The following PRR12 variants were observed in gnomAD, a reference collection of about 807,000 sequenced individuals.
The protein encoded by PRR12 is proline-rich protein 12.
PRR12 carries 12 observed loss-of-function variants against 138.0 expected under a neutral mutation model. That is an observed-to-expected ratio of 0.09 (90% CI 0.06 to 0.14). The LOEUF is 0.14. Among genes scored for constraint, PRR12 ranks in the 10% least tolerant of loss-of-function variants. The pLI, the probability that PRR12 is intolerant of heterozygous loss-of-function variation, is 1.00. For missense variants in PRR12, 2,692 were observed against 2,861.3 expected, an observed-to-expected ratio of 0.94 and a Z score of 1.35; for synonymous variants, 1,567 against 1,291.7, an observed-to-expected ratio of 1.21 and a Z score of -4.57.
chr19:49,600,480 C>CAA (rs34430567), intron 5 of PRR12, among the ~76,000 whole-genome samples: 6,738 of 100,596 alleles, frequency 0.067, 177 homozygotes, highest in South Asian at 0.15. Context: ...GGGGAGTGTT[C>CAA]AAAAAAAAAA....
intron 6 of PRR12, among the ~76,000 whole-genome samples, chr19:49,607,402 TAAA>T (rs1054890922): frequency 2.7e-5 from 4 of 150,442 alleles, no homozygotes; most frequent in Non-Finnish European, 5.9e-5. Context: ...TTGTAATTAA[TAAA>T]AACTATTAAT....
intron 6 of PRR12, among the ~76,000 whole-genome samples, chr19:49,603,613 A>C (rs1378529146): frequency 1.3e-5 from 2 of 151,852 alleles, no homozygotes; most frequent in Non-Finnish European, 2.9e-5. Flanking sequence ...GATCACTTGA[A>C]CTCTGGGGTG....
intron 6 of PRR12, among the ~76,000 whole-genome samples, chr19:49,611,893 A>T (rs2080868179): frequency 8.4e-6 from 1 of 118,450 alleles, no homozygotes; most frequent in African/African-American, 3.5e-5. Flanking sequence ...ACTGCACTCC[A>T]GCCTGGGCGA....
chr19:49,622,957 A>AG (rs1491451256), intron 11 of PRR12, among the ~76,000 whole-genome samples: 82 of 106,552 alleles, frequency 7.7e-4, no homozygotes, highest in East Asian at 3.0e-3. Context: ...AGAGAGAGAG[A>AG]AAGAGAGAGA....
intron 8 of PRR12, among the ~76,000 whole-genome samples, chr19:49,615,478 CCCAGAGAGGGAGGGGGTCAG>C (rs2080887073): frequency 6.8e-6 from 1 of 146,740 alleles, no homozygotes; most frequent in Admixed American, 6.8e-5. Flanking sequence ...GGAATAGAGA[CCCAGAGAGGGAGGGGGTCAG>C]AGACCCAGAG....
chr19:49,595,045 C>G lies in PRR12; in HGVS notation c.710C>G (p.Pro237Arg). 6.2e-7 allele frequency: 1 copy of G among 1,610,268 alleles called. No homozygotes were observed. Among genetic ancestry groups the G allele is most frequent in the South Asian group, 1.1e-5 (1 of 90,636 alleles). The stretch of plus-strand genomic sequence containing the variant: ...CCTGGCCCCCCAGACCCACCACCAC[C>G]TCCTCGCCACCTCCCAACTCAGTTC... ...YRPGPPDPPP[P>R]PRHLPTQFNL... Residue 237 changes from proline (P) to arginine (R), a missense_variant, in exon 4 of 14, where the codon CCT (proline) becomes CGT (arginine). By Grantham distance (103) the Pro-to-Arg change is moderately radical. Transcript: ENST00000418929.
chr19:49,593,460 C>A (rs758611463), intron 2 of PRR12, 21 bp downstream of exon 2: 4 of 1,279,810 alleles, frequency 3.1e-6, no homozygotes, highest in African/African-American at 1.5e-5. Context: ...CATCCCGCCC[C>A]GCTTTGGGCT....
Position 49,606,711 on chromosome 19 carries a change from A to G in PRR12, c.4773+4793A>G, listed in dbSNP as rs2080840375. ...TCCCAGGCTGGAGTGCGGTGGCACA[A>G]TCTCAGCTCACTGCAACCTCCACCT... On this transcript the variant is annotated intron_variant, in intron 6 of 13. Transcript: ENST00000418929. Among the ~76,000 whole-genome samples the G allele has an allele frequency of 2.0e-5, 3 of 147,230 alleles. No individual in the cohort carries two copies. The South Asian group carries it at 6.4e-4, about 32-fold the overall frequency.
rs1412490775 is a variant in PRR12 at position 49,597,056 on chromosome 19, G to C, written c.2721G>C (p.Lys907Asn). Residue 907 changes from lysine (K) to asparagine (N), a missense_variant, in exon 4 of 14, where the codon AAG (lysine) becomes AAC (asparagine). By Grantham distance (94) the Lys-to-Asn change is moderately conservative. Transcript: ENST00000418929. The surrounding 1 kb of genome is among the most constrained non-coding windows in gnomAD (Gnocchi z 6.3). ...TAGGCCCACCAAACTCGGAGGGCAAGGATCCCGCAGGCGCCTACCGCAGCC... is the reference window on the plus strand; with the variant it reads ...TAGGCCCACCAAACTCGGAGGGCAACGATCCCGCAGGCGCCTACCGCAGCC... ...TGVGPPNSEG[K>N]DPAGAYRSPS... 1 of 1,553,256 alleles carries C rather than the reference G, an allele frequency of 6.4e-7. No individual in the cohort carries two copies. Among genetic ancestry groups the C allele is most frequent in the African/African-American group, 1.4e-5 (1 of 73,230 alleles).
Position 49,594,534 on chromosome 19 carries a change from G to T in PRR12, c.280G>T (p.Ala94Ser). Residue 94 changes from alanine to serine, a missense_variant, in exon 3 of 14, where the codon GCC becomes TCC. By Grantham distance (99) the Ala-to-Ser change is moderately conservative. Around this residue, in one of 11 missense-constraint regions of PRR12, gnomAD observed 211 missense variants for 266.3 expected, o/e 0.79. Transcript: ENST00000418929. This position sits in a 1 kb window ranked among gnomAD's most constrained non-coding sequence, Gnocchi z 5.6. ...PDASVMNLIS[A>S]LESRGPQPGP... The stretch of plus-strand genomic sequence containing the variant: ...CGCCTCCGTCATGAACCTTATCTCG[G>T]CCCTGGAATCCCGGGGCCCCCAGCC... 6.2e-7 allele frequency: 1 copy of T among 1,612,878 alleles called. No homozygotes were observed. The highest frequency in any genetic ancestry group is 8.5e-7 in the Non-Finnish European group (1 of 1,179,364).
Position 49,617,304 on chromosome 19 carries a change from C to T in PRR12, c.5497+1085C>T, listed in dbSNP as rs940192160. On this transcript the variant is annotated intron_variant, in intron 9 of 13. Transcript: ENST00000418929. ...TACTTGACCTTTACCTAATAAACCCCGTGAGATAGCTTGGTAGAATTATCC... is the reference window on the plus strand; with the variant it reads ...TACTTGACCTTTACCTAATAAACCCTGTGAGATAGCTTGGTAGAATTATCC... 2.6e-5 allele frequency among the ~76,000 whole-genome samples: 4 copies of T among 152,074 alleles called. No individual in the cohort carries two copies. The East Asian group carries it at 5.8e-4, about 22-fold the overall frequency.
chr19:49,604,043 A>C lies in PRR12; in HGVS notation c.4773+2125A>C, dbSNP rs1036492212. Among the ~76,000 whole-genome samples the C allele has an allele frequency of 3.5e-4, 53 of 150,012 alleles. 1 individual carries two copies. In the Admixed American group the frequency reaches 3.5e-3, roughly 10 times the overall value. ...AGCATCTTGGCCAGGCTGCTCTTGAACTCCTTACCTTGTGATCCACCCATC... is the reference window on the plus strand; with the variant it reads ...AGCATCTTGGCCAGGCTGCTCTTGACCTCCTTACCTTGTGATCCACCCATC... On this transcript the variant is annotated intron_variant, in intron 6 of 13. Coordinates refer to ENST00000418929, the MANE Select transcript of PRR12 (RefSeq NM_020719.3).
Position 49,597,621 on chromosome 19 carries a change from G to C in PRR12, c.3286G>C (p.Ala1096Pro). ...PPFQTPKKLYAQEYEFEADED... is the reference protein window; with the variant it reads ...PPFQTPKKLYPQEYEFEADED... ...CTTCCAGACCCCCAAGAAGCTGTAC[G>C]CCCAGGAGTACGAGTTCGAGGCGGA... Residue 1096 changes from alanine to proline, a missense_variant, in exon 4 of 14, where the codon GCC (alanine) becomes CCC (proline). Coordinates refer to ENST00000418929, the MANE Select transcript of PRR12 (RefSeq NM_020719.3). The surrounding 1 kb of genome is among the most constrained non-coding windows in gnomAD (Gnocchi z 6.3). The C allele has an allele frequency of 1.2e-6, 2 of 1,609,954 alleles. No homozygotes were observed. Among genetic ancestry groups the C allele is most frequent in the Non-Finnish European group, 1.7e-6 (2 of 1,178,880 alleles).
chr19:49,593,215 C>A, intron 1 of PRR12, 112 bp from the exon 2 acceptor site: 1 of 594,014 alleles, frequency 1.7e-6, no homozygotes. Context: ...AGCTTAACAC[C>A]CCCCACCCCG....
Position 49,601,564 on chromosome 19 carries a change from A to C in PRR12, c.4419A>C (p.Pro1473=), listed in dbSNP as rs1599790799. Residue 1473 remains proline (P), a synonymous_variant, in exon 6 of 14, where the codon CCA becomes CCC. Coordinates refer to ENST00000418929, the MANE Select transcript of PRR12 (RefSeq NM_020719.3). ...CGACTCCTCAGCCTCAGCCTCCGCC[A>C]CCCCCTCCGCCGCCACAGCCAGCCC... ...PAPTPQPQPP[P]PPPPPQPALP... 1.2e-5 allele frequency: 15 copies of C among 1,216,864 alleles called. No homozygotes were observed. The highest frequency in any genetic ancestry group is 5.2e-5 in the East Asian group (1 of 19,396). 75.4% of individuals were successfully genotyped at this position (1,216,864 alleles called of 1,614,324 possible).
chr19:49,600,105 G>T (rs1209532716), intron 5 of PRR12, among the ~76,000 whole-genome samples, 167 bp downstream of exon 5: 1 of 152,236 alleles, frequency 6.6e-6, no homozygotes, highest in Non-Finnish European at 1.5e-5. Flanking sequence ...TTTGAGGAAG[G>T]TCTATCTTTT....
Position 49,595,629 on chromosome 19 carries a change from G to T in PRR12, c.1294G>T (p.Ala432Ser), listed in dbSNP as rs747177899. ...GPAAAYATGK[A>S]SGAGGAGGQA... is the part of the protein sequence containing the mutation. ...AGCAGCCGCCTATGCCACTGGGAAG[G>T]CCTCTGGGGCTGGAGGGGCAGGGGG... The change falls in exon 4 of 14, where the codon GCC becomes TCC. Residue 432 changes from alanine (A) to serine (S), a missense_variant. By Grantham distance (99) the Ala-to-Ser change is moderately conservative (BLOSUM62 1). This residue lies in a region of PRR12 where 523 missense variants were observed against 496.4 expected (regional missense o/e 1.05). Transcript: ENST00000418929. The T allele has an allele frequency of 3.1e-6, 5 of 1,607,058 alleles. No individual in the cohort carries two copies. The African/African-American group carries it at 5.4e-5, about 17-fold the overall frequency.
chr19:49,610,808 G>T (rs1293956383), intron 6 of PRR12, among the ~76,000 whole-genome samples: 1 of 151,866 alleles, frequency 6.6e-6, no homozygotes, highest in East Asian at 1.9e-4. Flanking sequence ...CTCCCAAAGT[G>T]CTGGGATTAC....
chr19:49,595,695 C>T lies in PRR12; in HGVS notation c.1360C>T (p.Pro454Ser), dbSNP rs778727055. ...SPGQPQGLLG[P>S]QAYGQGFGGG... ...CGGTCAGCCTCAAGGGCTTCTGGGA[C>T]CCCAGGCCTACGGGCAAGGGTTTGG... The change falls in exon 4 of 14, where the codon CCC becomes TCC. Residue 454 changes from proline (P) to serine (S), a missense_variant. Coordinates refer to ENST00000418929, the MANE Select transcript of PRR12 (RefSeq NM_020719.3). The T allele has an allele frequency of 5.7e-6, 9 of 1,592,816 alleles. No homozygotes were observed. Among genetic ancestry groups the T allele is most frequent in the Middle Eastern group, 1.7e-4 (1 of 5,922 alleles).
Sources: allele counts gnomAD v4.1 joint callset (sites outside exome capture counted in the v4.1 genomes callset), GRCh38; gene constraint gnomAD v4.1.1; regional missense constraint gnomAD v4.1.1; non-coding constraint Gnocchi (gnomAD v3.1); transcripts MANE v1.5; gene names NCBI Gene and HGNC (gene_info 2026-07-23, HGNC 2026-07-21).